ABCG8: variants seen among roughly 807,000 people sequenced by gnomAD.
ABCG8 encodes ATP binding cassette subfamily G member 8.
Under a neutral mutation model 71.3 loss-of-function variants are expected in ABCG8, and 81 were observed. The observed-to-expected ratio is 1.14, with a 90% confidence interval of 0.95 to 1.37. ABCG8 has a LOEUF of 1.37. Among genes scored for constraint, ABCG8 ranks in the 40% most tolerant of loss-of-function variants. The pLI is 0.00. For missense variants in ABCG8, 1,119 were observed against 866.2 expected (o/e 1.29, Z -3.66); for synonymous variants, 451 against 354.7 (o/e 1.27, Z -3.05).
intron 6 of ABCG8, among the ~76,000 whole-genome samples, chr2:43,859,677 A>G (rs1558824995): frequency 6.6e-6 from 1 of 150,870 alleles, no homozygotes. Context: ...CACTATCTGG[A>G]TAGAATTCTC....
intron 4 of ABCG8, among the ~76,000 whole-genome samples, chr2:43,852,132 G>A (rs111374746): frequency 5.9e-5 from 9 of 152,224 alleles, no homozygotes; most frequent in Admixed American, 1.3e-4. Context: ...ACACTGCCAC[G>A]TTCCTAACAC....
At chr2:43,872,771 A>ATTGCTTTTATT (rs1455141220) in intron 8 of ABCG8, among the ~76,000 whole-genome samples, 1 of 152,190 alleles carries the variant, frequency 6.6e-6, no homozygotes, top group Non-Finnish European at 1.5e-5. Flanking sequence ...GAACACCCCT[A>ATTGCTTTTATT]TTGCTTTTAT....
chr2:43,868,597 T>G (rs971408156), intron 6 of ABCG8, among the ~76,000 whole-genome samples: 1 of 152,098 alleles, frequency 6.6e-6, no homozygotes, highest in African/African-American at 2.4e-5. Context: ...GATAGAATAA[T>G]CATCGTCTGG....
At chr2:43,846,346 T>C in intron 3 of ABCG8, 35 bp downstream of exon 3, 3 of 1,613,880 alleles carry the variant, frequency 1.9e-6, no homozygotes, top group Non-Finnish European at 2.5e-6. Flanking sequence ...CAATGGTTTC[T>C]CTCCTGGGAT....
At chr2:43,857,775 T>A (rs1386626906) in intron 6 of ABCG8, among the ~76,000 whole-genome samples, 1 of 151,728 alleles carries the variant, frequency 6.6e-6, no homozygotes, top group African/African-American at 2.4e-5. Context: ...CAACTATCTA[T>A]CTGGATATAA....
chr2:43,842,520 C>G (rs1019215478), intron 1 of ABCG8, among the ~76,000 whole-genome samples: 9 of 152,036 alleles, frequency 5.9e-5, no homozygotes, highest in African/African-American at 2.2e-4. Context: ...AACCTCCCTC[C>G]TGCTTGGGGG....
intron 6 of ABCG8, among the ~76,000 whole-genome samples, chr2:43,854,901 C>G (rs777504704): frequency 6.6e-6 from 1 of 152,086 alleles, no homozygotes; most frequent in Non-Finnish European, 1.5e-5. Flanking sequence ...GGTTAGCATC[C>G]CTGGGATTTA....
chr2:43,865,237 T>C (rs1448303163), intron 6 of ABCG8, among the ~76,000 whole-genome samples: 1 of 145,014 alleles, frequency 6.9e-6, no homozygotes, highest in African/African-American at 2.6e-5. Context: ...GAACTCTCAC[T>C]ATCTGTCTAG....
At position 43,851,695 on chromosome 2, in the gene ABCG8, G is replaced by A. The variant is rs749410145; in HGVS notation, c.434G>A (p.Arg145Lys). ...CAGCCCAGCTCGCCTCAGCTGGTGA[G>A]GAAGTGTGTGGCCCACGTGCGCCAG... The part of the protein sequence containing the change: ...NGQPSSPQLV[R>K]KCVAHVRQHN... Residue 145 changes from arginine to lysine, a missense_variant, in exon 4 of 13, where the codon AGG becomes AAG. Physicochemically the swap from Arg to Lys is conservative, Grantham distance 26 (BLOSUM62 2). Transcript: ENST00000272286. The A allele has an allele frequency of 6.2e-7, 1 of 1,614,252 alleles. No homozygotes were observed. Among genetic ancestry groups the A allele is most frequent in the East Asian group, 2.2e-5 (1 of 44,880 alleles).
Position 43,852,426 on chromosome 2 carries a change from G to A in ABCG8, c.634G>A (p.Gly212Arg), listed in dbSNP as rs746527671. 3.7e-6 allele frequency: 6 copies of A among 1,612,678 alleles called. No individual in the cohort carries two copies. The highest frequency in any genetic ancestry group is 1.1e-5 in the South Asian group (1 of 91,026). The part of the protein sequence containing the change: ...DTRVGNMYVR[G>R]LSGGERRRVS... ...CCGCGTGGGCAACATGTACGTGCGGGGGTTGTCGGGGGGTGAGCGCAGGAG... is the reference window on the plus strand; with the variant it reads ...CCGCGTGGGCAACATGTACGTGCGGAGGTTGTCGGGGGGTGAGCGCAGGAG... The change falls in exon 5 of 13, where the codon GGG (glycine) becomes AGG (arginine). Residue 212 changes from glycine (G) to arginine (R), a missense_variant. Gly to Arg is a moderately radical substitution (Grantham distance 125). Coordinates refer to ENST00000272286, the MANE Select transcript of ABCG8 (RefSeq NM_022437.3).
intron 1 of ABCG8, among the ~76,000 whole-genome samples, chr2:43,841,324 G>T (rs1289974723): frequency 6.6e-6 from 1 of 152,176 alleles, no homozygotes; most frequent in Non-Finnish European, 1.5e-5. Flanking sequence ...AGCAGAGCTG[G>T]TTACCTACAA....
At chr2:43,858,521 G>A (rs1038377671) in intron 6 of ABCG8, among the ~76,000 whole-genome samples, 12 of 151,620 alleles carry the variant, frequency 7.9e-5, no homozygotes, top group African/African-American at 2.9e-4. Context: ...TATCTATCTC[G>A]ATAGAATTCT....
chr2:43,882,024 G>A lies in ABCG8; in HGVS notation c.*4111G>A, dbSNP rs557186800. On this transcript the variant is annotated 3_prime_UTR_variant, in exon 13 of 13. Coordinates refer to ENST00000272286, the MANE Select transcript of ABCG8 (RefSeq NM_022437.3). ...TTGCTAGATTTGACCTGAGGGTGTA[G>A]TTTGCAGAGCCTTGGTAAAGGTTTT... 1 of 152,300 alleles carries A rather than the reference G, an allele frequency of 6.6e-6. No individual in the cohort carries two copies. Among genetic ancestry groups the A allele is most frequent in the East Asian group, 1.9e-4 (1 of 5,186 alleles). The allele number at this position is 152,300 out of a possible 1,614,324, so 9.4% of individuals were successfully genotyped here.
chr2:43,873,483 C>T (rs1043962727), intron 8 of ABCG8, among the ~76,000 whole-genome samples: 7 of 152,140 alleles, frequency 4.6e-5, no homozygotes, highest in Non-Finnish European at 7.4e-5. Context: ...TGAGCCACCA[C>T]GCCCAGCCTG....
chr2:43,868,266 G>A (rs1009555604), intron 6 of ABCG8, among the ~76,000 whole-genome samples: 3 of 151,468 alleles, frequency 2.0e-5, no homozygotes, highest in Non-Finnish European at 4.4e-5. Flanking sequence ...TCACTCTCTG[G>A]ATAAAACTCT....
At chr2:43,874,632 G>A (rs1669899140) in intron 10 of ABCG8, 149 bp downstream of exon 10, 1 of 731,008 alleles carries the variant, frequency 1.4e-6, no homozygotes, top group Non-Finnish European at 2.5e-6. Context: ...ACATTTTCTA[G>A]GGGAGTTTCA....
In ABCG8 at chr2:43,839,080, A is replaced by T. The variant is rs984534218; in HGVS notation, c.27A>T (p.Arg9Ser). The T allele has an allele frequency of 1.3e-6, 2 of 1,550,972 alleles. No individual in the cohort carries two copies. Among genetic ancestry groups the T allele is most frequent in the Admixed American group, 3.9e-5 (2 of 50,972 alleles). The change falls in exon 1 of 13, where the codon AGA (arginine) becomes AGT (serine). Residue 9 changes from arginine (R) to serine (S), a missense_variant. By Grantham distance (110) the Arg-to-Ser change is moderately radical (BLOSUM62 -1). Transcript: ENST00000272286. MAGKAAEE[R>S]GLPKGATPQD... is the part of the protein sequence containing the mutation. ...TGGCCGGGAAGGCGGCAGAGGAGAG[A>T]GGGCTGCCGAAAGGGGCCACTCCCC...
Position 43,851,710 on chromosome 2 carries a change from A to G in ABCG8, c.449A>G (p.His150Arg), listed in dbSNP as rs772630646. 2 of 1,614,228 alleles carry G rather than the reference A, an allele frequency of 1.2e-6. No homozygotes were observed. Among genetic ancestry groups the G allele is most frequent in the Non-Finnish European group, 1.7e-6 (2 of 1,180,034 alleles). The change falls in exon 4 of 13, where the codon CAC becomes CGC. Residue 150 changes from histidine (H) to arginine (R), a missense_variant. His to Arg is a conservative substitution (Grantham distance 29, BLOSUM62 0). Transcript: ENST00000272286. ...SPQLVRKCVA[H>R]VRQHNQLLPN... Reference sequence around the variant, plus strand: ...CAGCTGGTGAGGAAGTGTGTGGCCCACGTGCGCCAGCACAACCAGCTGCTC... The same window carrying G: ...CAGCTGGTGAGGAAGTGTGTGGCCCGCGTGCGCCAGCACAACCAGCTGCTC...
At chr2:43,877,519 A>G in intron 11 of ABCG8, 42 bp from the exon 12 acceptor site, 1 of 1,612,410 alleles carries the variant, frequency 6.2e-7, no homozygotes, top group Non-Finnish European at 8.5e-7. Flanking sequence ...AACCATGAGA[A>G]TATGAGGGAC....
Sources: allele counts gnomAD v4.1 joint callset (sites outside exome capture counted in the v4.1 genomes callset), GRCh38; gene constraint gnomAD v4.1.1; transcripts MANE v1.5; gene names NCBI Gene and HGNC (gene_info 2026-07-23, HGNC 2026-07-21).